The following OTUD7A variants were observed in gnomAD, a reference collection of about 807,000 sequenced individuals.
The protein encoded by OTUD7A is OTU deubiquitinase 7A.
In OTUD7A, 12 loss-of-function variants were observed where a neutral mutation model predicts 65.7. The observed-to-expected ratio is 0.18, with a 90% CI of 0.12 to 0.30. The LOEUF is 0.30. OTUD7A is among the 10% of genes least tolerant of loss of function. OTUD7A has a pLI of 1.00. For missense variants in OTUD7A, 1,148 were observed against 1,304.8 expected (o/e 0.88, Z 1.85); for synonymous variants, 641 against 586.3 (o/e 1.09, Z -1.35).
intron 1 of OTUD7A, among the ~76,000 whole-genome samples, chr15:31,823,016 T>A (rs1896722707): frequency 6.6e-6 from 1 of 152,226 alleles, no homozygotes; most frequent in African/African-American, 2.4e-5. Context: ...GGGGCATGCA[T>A]TTCAAGGGGT....
Position 31,483,130 on chromosome 15 carries a change from T to G in OTUD7A, c.*164A>C. On this transcript the variant is annotated 3_prime_UTR_variant, in exon 13 of 13. Transcript: ENST00000307050. Reference sequence around the variant, plus strand: ...CCGTCTACTACCTGAGTGGCGTCAGTGTAGGTTCAGGCACCATTAGGAACG... The same window carrying G: ...CCGTCTACTACCTGAGTGGCGTCAGGGTAGGTTCAGGCACCATTAGGAACG... 1.7e-6 allele frequency: 1 copy of G among 590,704 alleles called. No homozygotes were observed. Among genetic ancestry groups the G allele is most frequent in the Non-Finnish European group, 2.2e-6 (1 of 462,134 alleles). The allele number at this position is 590,704 out of a possible 1,614,324, so 36.6% of individuals were successfully genotyped here. A position where few individuals can be genotyped will look rare whatever the true frequency, so the allele number is the denominator to read the frequency against.
intron 1 of OTUD7A, among the ~76,000 whole-genome samples, chr15:31,864,248 G>A (rs1897819641): frequency 6.6e-6 from 1 of 152,110 alleles, no homozygotes; most frequent in Non-Finnish European, 1.5e-5. Context: ...TCCAACCTCT[G>A]CCTGTTACCC....
chr15:31,647,046 T>A (rs1488166514), intron 3 of OTUD7A, among the ~76,000 whole-genome samples: 2 of 152,190 alleles, frequency 1.3e-5, no homozygotes, highest in African/African-American at 4.8e-5. Flanking sequence ...TATTTTTATT[T>A]TTTTTGACAT....
intron 1 of OTUD7A, among the ~76,000 whole-genome samples, chr15:31,762,494 G>A (rs951902294): frequency 8.5e-5 from 13 of 152,268 alleles, no homozygotes; most frequent in African/African-American, 3.1e-4. Context: ...AAGTAACCCT[G>A]TAAAGGGAGG....
intron 1 of OTUD7A, among the ~76,000 whole-genome samples, chr15:31,745,998 C>G (rs190529355): frequency 1.3e-5 from 2 of 152,066 alleles, no homozygotes; most frequent in Non-Finnish European, 2.9e-5. Context: ...CCACTTGATA[C>G]CCACTAGAAT....
At chr15:31,833,474 G>C (rs920653165) in intron 1 of OTUD7A, among the ~76,000 whole-genome samples, 1 of 152,216 alleles carries the variant, frequency 6.6e-6, no homozygotes, top group African/African-American at 2.4e-5. Context: ...TCTGTATCCA[G>C]GCTTGAGGGC....
intron 1 of OTUD7A, among the ~76,000 whole-genome samples, chr15:31,781,709 C>T (rs1895544688): frequency 6.6e-6 from 1 of 152,166 alleles, no homozygotes; most frequent in Admixed American, 6.5e-5. Flanking sequence ...CATCTCTGCT[C>T]GAGCCACACA....
chr15:31,663,147 T>C (rs1595694054), intron 1 of OTUD7A, among the ~76,000 whole-genome samples: 1 of 151,668 alleles, frequency 6.6e-6, no homozygotes, highest in Non-Finnish European at 1.5e-5. Context: ...TTACATACTA[T>C]GAGATGTTAT....
intron 3 of OTUD7A, among the ~76,000 whole-genome samples, chr15:31,625,303 A>G (rs1016452836): frequency 6.6e-6 from 1 of 152,172 alleles, no homozygotes. Flanking sequence ...ATGGTGTAAG[A>G]AATATATGAT....
At chr15:31,700,137 T>G (rs1893180491) in intron 1 of OTUD7A, among the ~76,000 whole-genome samples, 1 of 151,970 alleles carries the variant, frequency 6.6e-6, no homozygotes, top group African/African-American at 2.4e-5. Flanking sequence ...GAACTCTTCC[T>G]TATACATGGC....
At chr15:31,821,133 CTTTTTTTTTTT>C (rs35732957) in intron 1 of OTUD7A, among the ~76,000 whole-genome samples, 9 of 97,452 alleles carry the variant, frequency 9.2e-5, no homozygotes, top group Admixed American at 3.6e-4. Flanking sequence ...TTTTTCATTT[CTTTTTTTTTTT>C]TTTTTTTTTT....
At chr15:31,804,975 G>A (rs1477602530) in intron 1 of OTUD7A, among the ~76,000 whole-genome samples, 1 of 152,236 alleles carries the variant, frequency 6.6e-6, no homozygotes, top group Non-Finnish European at 1.5e-5. Flanking sequence ...CAGGCACCGT[G>A]TTGAAAGGCA....
chr15:31,767,233 T>G, intron 1 of OTUD7A: 1 of 928,436 alleles, frequency 1.1e-6, no homozygotes, highest in Non-Finnish European at 1.7e-6. Context: ...ATTTTATGTA[T>G]CCCACTGGAT....
At chr15:31,792,826 T>C (rs1055980422) in intron 1 of OTUD7A, among the ~76,000 whole-genome samples, 3 of 152,136 alleles carry the variant, frequency 2.0e-5, no homozygotes, top group African/African-American at 7.2e-5. Context: ...AAGGGCTGGG[T>C]TGAGGGGCTG....
intron 1 of OTUD7A, among the ~76,000 whole-genome samples, chr15:31,826,379 C>G (rs1402000411): frequency 6.6e-6 from 1 of 152,270 alleles, no homozygotes; most frequent in Admixed American, 6.5e-5. Context: ...GAAGCCACAG[C>G]AGAGCTCTGC....
chr15:31,544,818 A>C (rs1238639690), intron 5 of OTUD7A, among the ~76,000 whole-genome samples: 5 of 151,982 alleles, frequency 3.3e-5, no homozygotes, highest in African/African-American at 1.2e-4. Flanking sequence ...ATATATAAAA[A>C]GTACTATACC....
At chr15:31,805,906 A>C (rs1896257825) in intron 1 of OTUD7A, among the ~76,000 whole-genome samples, 1 of 152,214 alleles carries the variant, frequency 6.6e-6, no homozygotes, top group Admixed American at 6.5e-5. Flanking sequence ...GAGTAATATA[A>C]ATGTTTTTAA....
chr15:31,749,481 T>C (rs1351318257), intron 1 of OTUD7A, among the ~76,000 whole-genome samples: 3 of 152,106 alleles, frequency 2.0e-5, no homozygotes, highest in Non-Finnish European at 4.4e-5. Flanking sequence ...CCTACGCACA[T>C]AGACACCAGA....
chr15:31,866,075 AAGAG>A (rs1897867972), intron 1 of OTUD7A, among the ~76,000 whole-genome samples: 1 of 152,256 alleles, frequency 6.6e-6, no homozygotes, highest in Non-Finnish European at 1.5e-5. Flanking sequence ...CTACTTAACT[AAGAG>A]AGATGTATTT....
Sources: gnomAD v4.1 joint callset for allele counts (sites outside exome capture counted in the v4.1 genomes callset) on GRCh38, gnomAD v4.1.1 for gene constraint, MANE v1.5 for transcripts, NCBI Gene and HGNC (gene_info 2026-07-23, HGNC 2026-07-21) for gene names.